The following AQP7 variants were observed in gnomAD, a reference collection of about 807,000 sequenced individuals.
The protein encoded by AQP7 is aquaporin-7.
Under a neutral mutation model 26.1 loss-of-function variants are expected in AQP7, and 22 were observed. The observed-to-expected ratio is 0.84, with a 90% CI of 0.60 to 1.20. The LOEUF (loss-of-function observed/expected upper bound fraction) is 1.20. Among genes scored for constraint, AQP7 ranks in the 50% most tolerant of loss-of-function variants. The pLI is 0.00. For synonymous variants in AQP7, 167 were observed against 181.7 expected, an observed-to-expected ratio of 0.92 and a Z score of 0.65; for missense variants, 412 against 457.5, an observed-to-expected ratio of 0.90 and a Z score of 0.91.
intron 3 of AQP7, among the ~76,000 whole-genome samples, chr9:33,389,023 A>C (rs1825127070): frequency 9.0e-6 from 1 of 111,072 alleles, no homozygotes; most frequent in Non-Finnish European, 1.9e-5. Context: ...CACCCAGCCA[A>C]TTTTTTTTTT....
intron 2 of AQP7, among the ~76,000 whole-genome samples, chr9:33,395,836 A>C (rs4008636): frequency 6.6e-6 from 1 of 152,180 alleles, no homozygotes; most frequent in African/African-American, 2.4e-5. Context: ...ACCAAGAGAG[A>C]GGGAGGGAGA....
intron 2 of AQP7, chr9:33,400,922 C>G (rs1296525012): frequency 2.4e-6 from 1 of 409,416 alleles, no homozygotes; most frequent in African/African-American, 2.0e-5. Flanking sequence ...CAAGGACTGG[C>G]TCTTGTTCAC....
chr9:33,385,635 G>A lies in AQP7; in HGVS notation c.743+14C>T, dbSNP rs1824682012. ...AGAAAAACTCAAAGGAATGGGCCTGGGCAGGGGCAGTACCTGAAGACCTGT... is the reference window on the plus strand; with the variant it reads ...AGAAAAACTCAAAGGAATGGGCCTGAGCAGGGGCAGTACCTGAAGACCTGT... On this transcript the variant is annotated intron_variant, in intron 7 of 7. Transcript: ENST00000297988. 7 of 1,612,914 alleles carry A rather than the reference G, an allele frequency of 4.3e-6. No homozygotes were observed. The highest frequency in any genetic ancestry group is 5.9e-6 in the Non-Finnish European group (7 of 1,179,852).
intron 2 of AQP7, among the ~76,000 whole-genome samples, chr9:33,396,455 A>G (rs1362581915): frequency 1.4e-5 from 2 of 146,318 alleles, no homozygotes; most frequent in African/African-American, 5.0e-5. Context: ...AAAAAAAAAA[A>G]AAAAAGAGGA....
At chr9:33,395,051 C>G in intron 3 of AQP7, 27 bp downstream of exon 3, 1 of 1,593,230 alleles carries the variant, frequency 6.3e-7, no homozygotes. Flanking sequence ...CGGAGCCCCA[C>G]CCACTTCGTG....
rs1368898042 is a variant in AQP7 at position 33,401,300 on chromosome 9, A to C, written c.-25-13T>G. 6.5e-7 allele frequency: 1 copy of C among 1,547,678 alleles called. No individual in the cohort carries two copies. Among genetic ancestry groups the C allele is most frequent in the Admixed American group, 2.0e-5 (1 of 50,982 alleles). On this transcript the variant is annotated splice_polypyrimidine_tract_variant and intron_variant, in intron 1 of 7. Transcript: ENST00000297988. ...AGATTTGTAGATGCTGAGGAGCCAA[A>C]GAGAGGTCACTAGGGCTGGAGGACA...
chr9:33,395,384 A>G lies in AQP7; in HGVS notation c.27-189T>C, dbSNP rs868096228. ...GAGAGCCACGGGGACATGGAGAGGA[A>G]CTGGGGTAGATGGCCAGGCCATGCC... On this transcript the variant is annotated intron_variant, in intron 2 of 7. Coordinates refer to ENST00000297988, the MANE Select transcript of AQP7 (RefSeq NM_001170.3). The G allele has an allele frequency of 1.2e-4, 71 of 604,644 alleles. No individual in the cohort carries two copies. In the Middle Eastern group the frequency reaches 2.2e-3, roughly 19 times the overall value. The allele number at this position is 604,644 out of a possible 1,614,324, so 37.5% of individuals were successfully genotyped here.
chr9:33,397,275 G>A (rs1281966688), intron 2 of AQP7, among the ~76,000 whole-genome samples: 1 of 152,010 alleles, frequency 6.6e-6, no homozygotes, highest in Non-Finnish European at 1.5e-5. Context: ...TGAGAAAGGA[G>A]CCAGGCTTCC....
chr9:33,397,983 C>G (rs893329949), intron 2 of AQP7, among the ~76,000 whole-genome samples: 12 of 152,094 alleles, frequency 7.9e-5, no homozygotes, highest in African/African-American at 2.9e-4. Context: ...CGATCCAGCC[C>G]GTGGGAAGAA....
At chr9:33,385,364 ACAGGTTGAG>A (rs1824649141) in intron 7 of AQP7, 74 bp from the exon 8 acceptor site, 1 of 1,524,656 alleles carries the variant, frequency 6.6e-7, no homozygotes, top group Non-Finnish European at 8.8e-7. Flanking sequence ...TCGGGCCAAG[ACAGGTTGAG>A]CAGAGGAGTC....
At chr9:33,398,861 G>A (rs1826038501) in intron 2 of AQP7, among the ~76,000 whole-genome samples, 1 of 152,102 alleles carries the variant, frequency 6.6e-6, no homozygotes, top group African/African-American at 2.4e-5. Flanking sequence ...AAGAAAGCCA[G>A]CCTACAAAGC....
chr9:33,385,878 A>G lies in AQP7; in HGVS notation c.526-12T>C, dbSNP rs1232068527. The stretch of plus-strand genomic sequence containing the variant: ...CCGGTCAGCCACGCCTGAGGAGCAG[A>G]TGCTGTGGCAGCTCACCTGGGCCCC... On this transcript the variant is annotated splice_polypyrimidine_tract_variant and intron_variant, in intron 6 of 7. Transcript: ENST00000297988. 6 of 1,599,640 alleles carry G rather than the reference A, an allele frequency of 3.8e-6. No homozygotes were observed. The highest frequency in any genetic ancestry group is 3.3e-5 in the Admixed American group (2 of 59,740).
At chr9:33,395,308 C>T (rs529465646) in intron 2 of AQP7, 113 bp from the exon 3 acceptor site, 60 of 843,984 alleles carry the variant, frequency 7.1e-5, no homozygotes, top group Middle Eastern at 5.7e-4. Context: ...CTCGCCCACA[C>T]ACGCCTCCTC....
At chr9:33,386,004 G>A (rs1824739951) in intron 6 of AQP7, 73 bp downstream of exon 6, 24 of 1,597,412 alleles carry the variant, frequency 1.5e-5, no homozygotes, top group Non-Finnish European at 1.7e-5. Flanking sequence ...CTGTCTATCC[G>A]GAGGGACTCC....
At chr9:33,386,236 A>G in intron 5 of AQP7, 41 bp from the exon 6 acceptor site, 1 of 1,612,452 alleles carries the variant, frequency 6.2e-7, no homozygotes, top group Non-Finnish European at 8.5e-7. Flanking sequence ...GCTCCCAACT[A>G]AGCCCCACCG....
rs2118775128 is a variant in AQP7, at chr9:33,386,424, G to A, written c.386C>T (p.Thr129Ile). The A allele has an allele frequency of 1.9e-6, 3 of 1,610,848 alleles. No individual in the cohort carries two copies. In the East Asian group the frequency reaches 6.7e-5, roughly 36 times the overall value. ...CTCACTGTAGAAGAGACTGTAGATG[G>A]TGGCAGCCGCCAGGAAGGAGCCCAG... is the stretch of plus-strand genomic sequence containing the variant. ...QFLGSFLAAA[T>I]IYSLFYTAIL... The change falls in exon 5 of 8, where the codon ACC becomes ATC. Residue 129 changes from threonine (T) to isoleucine (I), a missense_variant. By Grantham distance (89) the Thr-to-Ile change is moderately conservative. Coordinates refer to ENST00000297988, the MANE Select transcript of AQP7 (RefSeq NM_001170.3).
intron 3 of AQP7, among the ~76,000 whole-genome samples, chr9:33,390,865 A>G (rs1825326481): frequency 6.6e-6 from 1 of 152,212 alleles, no homozygotes; most frequent in African/African-American, 2.4e-5. Context: ...TAATCCCAGC[A>G]CTTTGGGAGG....
rs4008526 is a variant in AQP7 at position 33,401,460 on chromosome 9, G to A, written c.-25-173C>T. 1.0e-3 allele frequency: 617 copies of A among 604,780 alleles called. 1 individual carries two copies. The highest frequency in any genetic ancestry group is 0.01 in the African/African-American group (546 of 53,974). 37.5% of individuals were successfully genotyped at this position (604,780 alleles called of 1,614,324 possible). A position where few individuals can be genotyped will look rare whatever the true frequency, so the allele number is the denominator to read the frequency against. On this transcript the variant is annotated intron_variant, in intron 1 of 7. Coordinates refer to ENST00000297988, the MANE Select transcript of AQP7 (RefSeq NM_001170.3). Reference sequence around the variant, plus strand: ...AGCGGTGCTCAGCCAATGAGGCGACGCCCTGGAGCCCCACCCCACCCATGC... The same window carrying A: ...AGCGGTGCTCAGCCAATGAGGCGACACCCTGGAGCCCCACCCCACCCATGC...
At chr9:33,392,549 C>T (rs1243794617) in intron 3 of AQP7, among the ~76,000 whole-genome samples, 1 of 152,108 alleles carries the variant, frequency 6.6e-6, no homozygotes, top group Non-Finnish European at 1.5e-5. Flanking sequence ...GGAAGAGGAA[C>T]ACAGATGTGG....
Sources: gnomAD v4.1 joint callset for allele counts (sites outside exome capture counted in the v4.1 genomes callset) on GRCh38, gnomAD v4.1.1 for gene constraint, MANE v1.5 for transcripts, NCBI Gene and HGNC (gene_info 2026-07-23, HGNC 2026-07-21) for gene names.